ESRRG: variants seen among roughly 807,000 people sequenced by gnomAD.
ESRRG encodes estrogen related receptor gamma.
In ESRRG, 13 loss-of-function variants were observed where a neutral mutation model predicts 44.0. The observed-to-expected ratio is 0.30, with a 90% CI of 0.19 to 0.47. The LOEUF (loss-of-function observed/expected upper bound fraction) is 0.47. Ranked by LOEUF, ESRRG falls within the 20% of genes least tolerant of loss-of-function variation. The probability of loss-of-function intolerance (pLI) is 1.00; values close to 1 mark genes in which losing one functional copy is unlikely to be tolerated. For synonymous variants in ESRRG, 215 were observed against 214.6 expected (o/e 1.00, Z -0.02); for missense variants, 395 against 580.6 (o/e 0.68, Z 3.29).
intron 1 of ESRRG, among the ~76,000 whole-genome samples, chr1:216,941,971 A>G (rs977374195): frequency 6.6e-6 from 1 of 152,184 alleles, no homozygotes; most frequent in Admixed American, 6.5e-5. Context: ...ACAAGAGTAT[A>G]TTCTGCGATG....
chr1:216,609,497 G>C (rs1301808310), intron 3 of ESRRG, among the ~76,000 whole-genome samples: 3 of 152,146 alleles, frequency 2.0e-5, no homozygotes, highest in Non-Finnish European at 4.4e-5. Context: ...GGTGAGTATA[G>C]TCCCTGGTAC....
At chr1:216,978,118 G>A (rs1273625051) in intron 1 of ESRRG, among the ~76,000 whole-genome samples, 3 of 152,136 alleles carry the variant, frequency 2.0e-5, no homozygotes, top group Non-Finnish European at 4.4e-5. Flanking sequence ...AGACATGGAA[G>A]AATGGGGAAA....
intron 2 of ESRRG, among the ~76,000 whole-genome samples, chr1:216,802,458 A>C (rs534912481): frequency 2.0e-4 from 31 of 152,336 alleles, no homozygotes; most frequent in African/African-American, 7.5e-4. Context: ...TGGAAAAGAA[A>C]TAGAAATGCA....
At chr1:216,694,617 C>T (rs945708231) in intron 1 of ESRRG, among the ~76,000 whole-genome samples, 11 of 151,800 alleles carry the variant, frequency 7.2e-5, no homozygotes, top group East Asian at 5.8e-4. Flanking sequence ...AGTGCAGTGG[C>T]GTGATCAGAG....
chr1:216,874,815 A>T (rs1187540596), intron 2 of ESRRG, among the ~76,000 whole-genome samples: 1 of 152,194 alleles, frequency 6.6e-6, no homozygotes, highest in East Asian at 1.9e-4. Context: ...AGAATAAAGC[A>T]GGCAGGAGAA....
intron 1 of ESRRG, among the ~76,000 whole-genome samples, chr1:216,700,773 A>C (rs753390623): frequency 9.2e-5 from 14 of 152,094 alleles, no homozygotes; most frequent in Non-Finnish European, 1.9e-4. Context: ...TTATTTTGAC[A>C]TTTCCTTTAA....
intron 2 of ESRRG, among the ~76,000 whole-genome samples, chr1:216,729,844 C>T (rs1410168896): frequency 6.6e-6 from 1 of 152,162 alleles, no homozygotes; most frequent in Non-Finnish European, 1.5e-5. Context: ...CACCTAGGAG[C>T]TCTTTTGATC....
At chr1:216,779,555 T>C (rs1048153323) in intron 2 of ESRRG, among the ~76,000 whole-genome samples, 2 of 104,458 alleles carry the variant, frequency 1.9e-5, no homozygotes, top group African/African-American at 7.7e-5. Flanking sequence ...TATATAATTA[T>C]ATATTATATA....
At position 216,682,307 on chromosome 1, in the gene ESRRG, C is replaced by T. The variant is rs114467939; in HGVS notation, c.57-4816G>A. On this transcript the variant is annotated intron_variant, in intron 1 of 6. Transcript: ENST00000408911. Reference sequence around the variant, plus strand: ...TTACTATATCTATACCAATAGTAAACGCTTTGGTAGGCTAAATAAATGTCA... The same window carrying T: ...TTACTATATCTATACCAATAGTAAATGCTTTGGTAGGCTAAATAAATGTCA... 2.3e-3 allele frequency among the ~76,000 whole-genome samples: 357 copies of T among 152,268 alleles called. 1 individual carries two copies. The highest frequency in any genetic ancestry group is 0.016 in the South Asian group (76 of 4,828).
intron 1 of ESRRG, among the ~76,000 whole-genome samples, chr1:217,058,780 C>T (rs1475080391): frequency 1.3e-5 from 2 of 151,194 alleles, no homozygotes; most frequent in African/African-American, 2.4e-5. Context: ...GGAAGGAAGG[C>T]GATCTAACTG....
At chr1:216,947,565 C>T (rs1372817595) in intron 1 of ESRRG, among the ~76,000 whole-genome samples, 6 of 152,122 alleles carry the variant, frequency 3.9e-5, no homozygotes, top group African/African-American at 7.2e-5. Context: ...AGGGCTGGGG[C>T]TGTACGTGAG....
intron 1 of ESRRG, among the ~76,000 whole-genome samples, chr1:217,027,977 G>C (rs75656714): frequency 0.028 from 4,283 of 152,206 alleles, 133 homozygotes; most frequent in East Asian, 0.12. Flanking sequence ...GGTTAGAAAA[G>C]AGAACAAACA....
At chr1:217,109,905 C>A (rs1190366207) in intron 1 of ESRRG, among the ~76,000 whole-genome samples, 2 of 152,180 alleles carry the variant, frequency 1.3e-5, no homozygotes, top group African/African-American at 4.8e-5. Flanking sequence ...TTTCTGGCTT[C>A]CAGAGCACAC....
chr1:217,009,702 CTTTTTTTT>C (rs11325118), intron 1 of ESRRG, among the ~76,000 whole-genome samples: 1 of 106,386 alleles, frequency 9.4e-6, no homozygotes, highest in Non-Finnish European at 1.9e-5. Flanking sequence ...TTTTCTTTTT[CTTTTTTTT>C]TTTTTTTTTT....
chr1:216,794,276 C>T (rs1386079518), intron 2 of ESRRG, among the ~76,000 whole-genome samples: 1 of 152,184 alleles, frequency 6.6e-6, no homozygotes, highest in Non-Finnish European at 1.5e-5. Flanking sequence ...GCAGTATTTA[C>T]ACTCATTATG....
At chr1:216,973,489 G>A (rs1367718116) in intron 1 of ESRRG, among the ~76,000 whole-genome samples, 1 of 152,102 alleles carries the variant, frequency 6.6e-6, no homozygotes, top group African/African-American at 2.4e-5. Context: ...GTTGCCCCAG[G>A]GCCCAGAAGC....
At chr1:216,661,207 T>A (rs992380871) in intron 2 of ESRRG, among the ~76,000 whole-genome samples, 1 of 152,184 alleles carries the variant, frequency 6.6e-6, no homozygotes, top group Non-Finnish European at 1.5e-5. Flanking sequence ...TTCTTCTTAG[T>A]TTTTAAGCTC....
intron 2 of ESRRG, among the ~76,000 whole-genome samples, chr1:216,660,801 C>G (rs2072140352): frequency 6.6e-6 from 1 of 152,060 alleles, no homozygotes; most frequent in Non-Finnish European, 1.5e-5. Context: ...AACGGAATCT[C>G]TCAACACCTC....
chr1:216,617,934 A>G (rs976487837), intron 3 of ESRRG, among the ~76,000 whole-genome samples: 1 of 152,216 alleles, frequency 6.6e-6, no homozygotes, highest in Non-Finnish European at 1.5e-5. Flanking sequence ...CATTTATTCT[A>G]TGGTACAGCA....
Sources: gnomAD v4.1 joint callset for allele counts (sites outside exome capture counted in the v4.1 genomes callset) on GRCh38, gnomAD v4.1.1 for gene constraint, MANE v1.5 for transcripts, NCBI Gene and HGNC (gene_info 2026-07-23, HGNC 2026-07-21) for gene names.